Variants in PCDH15 observed in about 807,000 individuals in gnomAD.
PCDH15 encodes protocadherin related 15.
A neutral mutation model predicts 178.5 loss-of-function variants in PCDH15; 129 were observed. That is an observed-to-expected ratio of 0.72 (90% CI 0.63 to 0.84). The LOEUF is 0.84. Among genes scored for constraint, PCDH15 ranks in the 40% least tolerant of loss-of-function variants. The probability of loss-of-function intolerance (pLI) is 0.00; values close to 1 mark genes in which losing one functional copy is unlikely to be tolerated. For synonymous variants in PCDH15, 800 were observed against 732.0 expected (o/e 1.09, Z -1.50); for missense variants, 2,230 against 2,099.9 (o/e 1.06, Z -1.21).
intron 2 of PCDH15, among the ~76,000 whole-genome samples, chr10:54,958,041 C>A (rs746141614): frequency 8.6e-5 from 13 of 151,764 alleles, no homozygotes; most frequent in Non-Finnish European, 1.9e-4. Context: ...GCAAACTTTG[C>A]TAACTCCTAT....
At chr10:55,431,938 A>G (rs1838889583) in intron 2 of PCDH15, among the ~76,000 whole-genome samples, 1 of 152,148 alleles carries the variant, frequency 6.6e-6, no homozygotes, top group South Asian at 2.1e-4. Flanking sequence ...ATTGCTCCCA[A>G]CAAACGCTTA....
chr10:55,145,021 T>A (rs1230370229), intron 2 of PCDH15, among the ~76,000 whole-genome samples: 2 of 152,048 alleles, frequency 1.3e-5, no homozygotes, highest in African/African-American at 4.8e-5. Flanking sequence ...TCTATTAACA[T>A]GACAAATATA....
chr10:54,334,562 T>G (rs1277033437), intron 6 of PCDH15, among the ~76,000 whole-genome samples: 2 of 152,174 alleles, frequency 1.3e-5, no homozygotes. Context: ...TCATTCATCA[T>G]TTTTAGGAAA....
At position 54,754,942 on chromosome 10, in the gene PCDH15, C is replaced by CTTCCTTTTTTTTTT. The variant is rs775058954; in HGVS notation, c.-29+45982_-29+45983insAAAAAAAAAAGGAA. 1.8e-4 allele frequency among the ~76,000 whole-genome samples: 6 copies of CTTCCTTTTTTTTTT among 33,856 alleles called. 1 individual carries two copies. Among genetic ancestry groups the CTTCCTTTTTTTTTT allele is most frequent in the African/African-American group, 5.4e-4 (6 of 11,050 alleles). 22.2% of individuals were successfully genotyped at this position (33,856 alleles called of 152,430 possible). ...TTTTTCACACTTAGAGTTTTTCTTT[C>CTTCCTTTTTTTTTT]TTTTTTTTTTTTTTTTTTTTTTTTG... On this transcript the variant is annotated intron_variant, in intron 1 of 37. Transcript: ENST00000644397.
intron 2 of PCDH15, among the ~76,000 whole-genome samples, chr10:54,993,947 T>C (rs1839574579): frequency 6.6e-6 from 1 of 152,226 alleles, no homozygotes; most frequent in South Asian, 2.1e-4. Context: ...ATTCTGAAAA[T>C]AACATTTTTT....
At position 55,281,254 on chromosome 10, in the gene PCDH15, A is replaced by T. The variant is rs1022930751; in HGVS notation, c.-156+38345T>A. On this transcript the variant is annotated intron_variant, in intron 1 of 5. Transcript: ENST00000458638. Reference sequence around the variant, plus strand: ...GAATAATAATAACAGAAGAAAAATAATTTATAATCTGTCTTCATTTTCTTA... The same window carrying T: ...GAATAATAATAACAGAAGAAAAATATTTTATAATCTGTCTTCATTTTCTTA... 6.6e-5 allele frequency among the ~76,000 whole-genome samples: 10 copies of T among 152,210 alleles called. 1 individual carries two copies. The South Asian group carries it at 2.1e-3, about 32-fold the overall frequency.
intron 1 of PCDH15, among the ~76,000 whole-genome samples, chr10:54,667,384 G>T (rs2094588237): frequency 6.6e-6 from 1 of 152,048 alleles, no homozygotes; most frequent in Admixed American, 6.6e-5. Flanking sequence ...CCCACAAAGA[G>T]ATTGTGTAAA....
intron 2 of PCDH15, among the ~76,000 whole-genome samples, chr10:54,582,875 G>T (rs1402729651): frequency 1.3e-5 from 2 of 152,046 alleles, no homozygotes; most frequent in Non-Finnish European, 2.9e-5. Flanking sequence ...AATAGAGCAA[G>T]AACCTGTTTC....
intron 2 of PCDH15, among the ~76,000 whole-genome samples, chr10:54,534,459 G>A (rs1490669542): frequency 6.6e-6 from 1 of 152,032 alleles, no homozygotes; most frequent in Non-Finnish European, 1.5e-5. Flanking sequence ...AAAGTAATGG[G>A]GTTCTCACAG....
intron 2 of PCDH15, among the ~76,000 whole-genome samples, chr10:55,046,999 T>TGACA (rs1841023571): frequency 6.6e-6 from 1 of 151,862 alleles, no homozygotes; most frequent in South Asian, 2.1e-4. Flanking sequence ...AGTAAAAACA[T>TGACA]GACAGCTTGC....
At chr10:53,944,136 TGA>T (rs1334136889) in intron 23 of PCDH15, among the ~76,000 whole-genome samples, 1 of 152,138 alleles carries the variant, frequency 6.6e-6, no homozygotes, top group Non-Finnish European at 1.5e-5. Context: ...AAGTTAGGAA[TGA>T]GAGAGTATGT....
chr10:54,515,991 A>T (rs1208411178), intron 3 of PCDH15, among the ~76,000 whole-genome samples: 1 of 152,206 alleles, frequency 6.6e-6, no homozygotes, highest in Admixed American at 6.5e-5. Context: ...CCAAAAATCC[A>T]TCCGTACATC....
rs564326140 is a variant in PCDH15, at chr10:54,698,131, AT to A, written c.-28-33842del. ...CAGCCACCTACAGAAAGGGAAAATC[AT>A]CCAAACAGAATTTAAGAAAGAAAGT... On this transcript the variant is annotated intron_variant, in intron 1 of 37. Coordinates refer to ENST00000644397, the MANE Select transcript of PCDH15 (RefSeq NM_001384140.1). Among the ~76,000 whole-genome samples the A allele has an allele frequency of 2.6e-3, 398 of 152,282 alleles. 1 individual carries two copies. Among genetic ancestry groups the A allele is most frequent in the African/African-American group, 9.1e-3 (380 of 41,564 alleles).
At chr10:55,560,133 C>A (rs960993481) in intron 2 of PCDH15, among the ~76,000 whole-genome samples, 1 of 151,878 alleles carries the variant, frequency 6.6e-6, no homozygotes, top group African/African-American at 2.4e-5. Flanking sequence ...TGGCCTGCCA[C>A]ATTTAGAAAT....
At chr10:54,105,733 G>C (rs2094906324) in intron 15 of PCDH15, among the ~76,000 whole-genome samples, 1 of 152,048 alleles carries the variant, frequency 6.6e-6, no homozygotes, top group Non-Finnish European at 1.5e-5. Context: ...CAATTAAGTT[G>C]ACACTCAGTA....
chr10:54,753,153 T>A (rs575287366), intron 1 of PCDH15, among the ~76,000 whole-genome samples: 4 of 152,272 alleles, frequency 2.6e-5, no homozygotes, highest in African/African-American at 9.6e-5. Context: ...CACCAGAGGA[T>A]GTTGGGTGCT....
At chr10:54,343,293 C>T (rs1942603931) in intron 6 of PCDH15, among the ~76,000 whole-genome samples, 1 of 151,984 alleles carries the variant, frequency 6.6e-6, no homozygotes, top group South Asian at 2.1e-4. Flanking sequence ...AGAGTGAGGG[C>T]ATTCTCATGA....
chr10:54,004,098 T>TAAAAATCC (rs2092290619), intron 20 of PCDH15, among the ~76,000 whole-genome samples: 2 of 151,110 alleles, frequency 1.3e-5, no homozygotes, highest in South Asian at 4.2e-4. Context: ...TCTTTCATGA[T>TAAAAATCC]AAAAACCCTC....
At chr10:55,556,793 A>G (rs1043273695) in intron 2 of PCDH15, among the ~76,000 whole-genome samples, 1 of 152,186 alleles carries the variant, frequency 6.6e-6, no homozygotes, top group Non-Finnish European at 1.5e-5. Context: ...GTGAGCCTAG[A>G]TCGCACCACT....
Sources: gnomAD v4.1 joint callset for allele counts (sites outside exome capture counted in the v4.1 genomes callset) on GRCh38, gnomAD v4.1.1 for gene constraint, MANE v1.5 for transcripts, NCBI Gene and HGNC (gene_info 2026-07-23, HGNC 2026-07-21) for gene names.